FBXO38: variants seen among roughly 807,000 people sequenced by gnomAD.
FBXO38 encodes the protein F-box only protein 38.
In FBXO38, 53 loss-of-function variants were observed where a neutral mutation model predicts 131.9. The observed-to-expected ratio is 0.40, with a 90% CI of 0.32 to 0.51. FBXO38 has a LOEUF of 0.51. FBXO38 is among the 20% of genes least tolerant of loss of function. The pLI, the probability that FBXO38 is intolerant of heterozygous loss-of-function variation, is 0.53. For missense variants in FBXO38, 1,076 were observed against 1,475.6 expected, an observed-to-expected ratio of 0.73 and a Z score of 4.44; for synonymous variants, 452 against 505.6, an observed-to-expected ratio of 0.89 and a Z score of 1.42.
chr5:148,418,161 C>T (rs751926152), intron 12 of FBXO38, among the ~76,000 whole-genome samples: 2 of 152,154 alleles, frequency 1.3e-5, no homozygotes, highest in Non-Finnish European at 2.9e-5. Context: ...CATTTCGCCA[C>T]TTTCATCTAA....
intron 9 of FBXO38, among the ~76,000 whole-genome samples, chr5:148,411,958 A>C (rs1015000430): frequency 1.3e-5 from 2 of 152,144 alleles, no homozygotes; most frequent in African/African-American, 2.4e-5. Flanking sequence ...TTTTTCCCAA[A>C]AGCTCAGAAC....
Position 148,425,632 on chromosome 5 carries a change from A to C in FBXO38, c.1849A>C (p.Asn617His). Residue 617 changes from asparagine to histidine, a missense_variant, in exon 14 of 22, where the codon AAC (asparagine) becomes CAC (histidine). Around this residue, in one of 8 missense-constraint regions of FBXO38, gnomAD observed 212 missense variants for 221.2 expected, o/e 0.96. Coordinates refer to ENST00000340253, the MANE Select transcript of FBXO38 (RefSeq NM_205836.3). ...LELQEVWIPK[N>H]GTRRYSEREE... ...ACTCCAAGAAGTCTGGATTCCTAAG[A>C]ACGGTACTCGGCGTTACTCTGAACG... 1 of 1,614,070 alleles carries C rather than the reference A, an allele frequency of 6.2e-7. No individual in the cohort carries two copies. Among genetic ancestry groups the C allele is most frequent in the Non-Finnish European group, 8.5e-7 (1 of 1,179,922 alleles).
intron 18 of FBXO38, 130 bp downstream of exon 18, chr5:148,438,628 T>A: frequency 1.1e-6 from 1 of 911,550 alleles, no homozygotes; most frequent in Admixed American, 2.8e-5. Context: ...GATATTTTAG[T>A]TTTTACAGGT....
At chr5:148,393,530 A>G (rs1464591444) in intron 1 of FBXO38, among the ~76,000 whole-genome samples, 2 of 152,096 alleles carry the variant, frequency 1.3e-5, no homozygotes, top group Non-Finnish European at 2.9e-5. Context: ...CAGGAGAACC[A>G]TTAGTGACTC....
chr5:148,410,491 T>G, intron 8 of FBXO38, 144 bp from the exon 9 acceptor site: 1 of 976,052 alleles, frequency 1.0e-6, no homozygotes, highest in Non-Finnish European at 1.5e-6. Flanking sequence ...GAACTGTGAG[T>G]CCATTAAAAC....
chr5:148,394,176 A>G (rs1758356947), intron 1 of FBXO38, among the ~76,000 whole-genome samples: 1 of 152,176 alleles, frequency 6.6e-6, no homozygotes, highest in East Asian at 1.9e-4. Context: ...AAAGGGGTCC[A>G]TGACTAATCT....
At chr5:148,390,326 A>G (rs73264549) in intron 1 of FBXO38, among the ~76,000 whole-genome samples, 1,557 of 152,260 alleles carry the variant, frequency 0.01, 20 homozygotes, top group African/African-American at 0.035. Flanking sequence ...TGGACTTGAG[A>G]AGGCTGCTAG....
chr5:148,421,298 G>A (rs1753413949), intron 12 of FBXO38, among the ~76,000 whole-genome samples: 1 of 152,134 alleles, frequency 6.6e-6, no homozygotes, highest in Non-Finnish European at 1.5e-5. Context: ...CCCAGGTGGA[G>A]CTGATACTGC....
At position 148,415,915 on chromosome 5, in the gene FBXO38, A is replaced by G; in HGVS notation, c.1265-13A>G. On this transcript the variant is annotated splice_polypyrimidine_tract_variant and intron_variant, in intron 10 of 21. Transcript: ENST00000340253. ...TACTTAGATTTTCTCTGGTCATGTC[A>G]TTTCTTTAACAGACCACTCAAGATG... 1 of 1,613,208 alleles carries G rather than the reference A, an allele frequency of 6.2e-7. No individual in the cohort carries two copies. The highest frequency in any genetic ancestry group is 8.5e-7 in the Non-Finnish European group (1 of 1,179,418).
chr5:148,431,845 C>G (rs924733244), intron 15 of FBXO38, among the ~76,000 whole-genome samples: 7 of 152,110 alleles, frequency 4.6e-5, no homozygotes, highest in African/African-American at 1.7e-4. Flanking sequence ...GTTTCAAGGT[C>G]CTTGGAGGAA....
At chr5:148,413,493 A>G (rs745900662) in intron 9 of FBXO38, 2 of 152,330 alleles carry the variant, frequency 1.3e-5, no homozygotes, top group Admixed American at 6.6e-5. Context: ...GATGGGAGAA[A>G]TGATAAGAGG....
chr5:148,384,827 CTT>C, intron 1 of FBXO38: 1 of 152,188 alleles, frequency 6.6e-6, no homozygotes, highest in Non-Finnish European at 1.5e-5. Context: ...GTCCAGAAAA[CTT>C]TGTTTTATAC....
chr5:148,407,695 C>T (rs1415153409), intron 7 of FBXO38, among the ~76,000 whole-genome samples: 2 of 151,724 alleles, frequency 1.3e-5, no homozygotes, highest in East Asian at 1.9e-4. Context: ...GAGGCCGAGG[C>T]GGGCGGATCA....
intron 1 of FBXO38, among the ~76,000 whole-genome samples, chr5:148,389,243 A>G (rs930330599): frequency 8.5e-5 from 13 of 152,212 alleles, no homozygotes; most frequent in Non-Finnish European, 4.4e-5. Flanking sequence ...ATATAATAAT[A>G]ATGAAAGGAT....
chr5:148,431,325 T>A (rs1754033481), intron 15 of FBXO38, among the ~76,000 whole-genome samples: 1 of 152,244 alleles, frequency 6.6e-6, no homozygotes, highest in Non-Finnish European at 1.5e-5. Context: ...ACTTTCTTCC[T>A]CATGCATCAG....
At position 148,427,608 on chromosome 5, in the gene FBXO38, G is replaced by C. The variant is rs781500484; in HGVS notation, c.2314G>C (p.Val772Leu). 6.2e-7 allele frequency: 1 copy of C among 1,614,074 alleles called. No homozygotes were observed. Among genetic ancestry groups the C allele is most frequent in the Non-Finnish European group, 8.5e-7 (1 of 1,180,042 alleles). The change falls in exon 15 of 22, where the codon GTC becomes CTC. Residue 772 changes from valine to leucine, a missense_variant. This residue lies in a region of FBXO38 where 213 missense variants were observed against 225.2 expected (regional missense o/e 0.95). Coordinates refer to ENST00000340253, the MANE Select transcript of FBXO38 (RefSeq NM_205836.3). ...AMEEGDAESSVCPRCCCHRPQ... is the reference protein window; with the variant it reads ...AMEEGDAESSLCPRCCCHRPQ... ...GGAGGAGGGAGATGCAGAGAGTTCT[G>C]TCTGCCCCAGATGCTGCTGTCACAG...
intron 7 of FBXO38, among the ~76,000 whole-genome samples, chr5:148,407,924 C>CAA (rs556460198): frequency 7.2e-6 from 1 of 138,464 alleles, no homozygotes; most frequent in Non-Finnish European, 1.6e-5. Context: ...GACTCTGTCT[C>CAA]AAAAAAAAAA....
In FBXO38 at chr5:148,394,956, C is replaced by T. The variant is rs1212057295; in HGVS notation, c.128+52C>T. The T allele has an allele frequency of 4.1e-6, 6 of 1,472,080 alleles. No homozygotes were observed. In the African/African-American group the frequency reaches 8.7e-5, roughly 21 times the overall value. The allele number at this position is 1,472,080 out of a possible 1,614,324, so 91.2% of individuals were successfully genotyped here. On this transcript the variant is annotated intron_variant, in intron 2 of 21. Coordinates refer to ENST00000340253, the MANE Select transcript of FBXO38 (RefSeq NM_205836.3). ...TGCCTGGAATGGATAAGAGCAAACC[C>T]TGAGGCAGTGCTGTCTAATGTGGTA...
Position 148,433,620 on chromosome 5 carries a change from T to C in FBXO38, c.2755-15T>C. The C allele has an allele frequency of 2.5e-6, 4 of 1,580,110 alleles. No individual in the cohort carries two copies. The highest frequency in any genetic ancestry group is 3.5e-6 in the Non-Finnish European group (4 of 1,158,630). ...GTTTGTATCTTTATATAGTTTCTAATTTTTCTGCTTGTAGGTTCTTGTATT... is the reference window on the plus strand; with the variant it reads ...GTTTGTATCTTTATATAGTTTCTAACTTTTCTGCTTGTAGGTTCTTGTATT... On this transcript the variant is annotated splice_polypyrimidine_tract_variant and intron_variant, in intron 16 of 21. Coordinates refer to ENST00000340253, the MANE Select transcript of FBXO38 (RefSeq NM_205836.3).
Sources: allele counts gnomAD v4.1 joint callset (sites outside exome capture counted in the v4.1 genomes callset), GRCh38; gene constraint gnomAD v4.1.1; regional missense constraint gnomAD v4.1.1; transcripts MANE v1.5; gene names NCBI Gene and HGNC (gene_info 2026-07-23, HGNC 2026-07-21).